The following NADK variants were observed in gnomAD, a reference collection of about 807,000 sequenced individuals.
NADK encodes the protein poly(P)/ATP NAD kinase.
NADK carries 22 observed loss-of-function variants against 49.8 expected under a neutral mutation model. That is an observed-to-expected ratio of 0.44 (90% CI 0.32 to 0.63). The LOEUF (loss-of-function observed/expected upper bound fraction) is 0.63, where lower values mean the gene tolerates loss of function less well. Among genes scored for constraint, NADK ranks in the 30% least tolerant of loss-of-function variants. The pLI is 0.06. For synonymous variants in NADK, 268 were observed against 253.7 expected (o/e 1.06, Z -0.54); for missense variants, 438 against 609.4 (o/e 0.72, Z 2.96).
At chr1:1,771,673 G>A (rs925369497) in intron 1 of NADK, among the ~76,000 whole-genome samples, 4 of 152,122 alleles carry the variant, frequency 2.6e-5, no homozygotes, top group African/African-American at 9.7e-5. Flanking sequence ...TGAACAACTG[G>A]ACAGCCACGT....
chr1:1,752,710 G>A lies in NADK; in HGVS notation c.*194C>T, dbSNP rs1010501679. 1.6e-6 allele frequency: 1 copy of A among 639,016 alleles called. No homozygotes were observed. The highest frequency in any genetic ancestry group is 3.0e-5 in the East Asian group (1 of 33,804). 39.6% of individuals were successfully genotyped at this position (639,016 alleles called of 1,614,324 possible). On this transcript the variant is annotated 3_prime_UTR_variant, in exon 12 of 12. Coordinates refer to ENST00000341426, the MANE Select transcript of NADK (RefSeq NM_023018.5). ...CCAGCCCATTTCTCACGCTTCTTTA[G>A]AAATGCAAAAAAAGTCAGACATTTT...
intron 3 of NADK, 73 bp downstream of exon 3, chr1:1,761,879 C>T (rs1350875610): frequency 3.5e-6 from 5 of 1,429,138 alleles, no homozygotes; most frequent in African/African-American, 1.4e-5. Context: ...TCCCATGGCC[C>T]CCGGCACTCA....
At chr1:1,773,561 G>C (rs1305110623) in intron 1 of NADK, among the ~76,000 whole-genome samples, 1 of 151,352 alleles carries the variant, frequency 6.6e-6, no homozygotes, top group African/African-American at 2.4e-5. Flanking sequence ...GACCAGCCTG[G>C]GCAACACAGC....
At chr1:1,758,294 G>T (rs1321117200) in intron 3 of NADK, 5 of 1,514,582 alleles carry the variant, frequency 3.3e-6, no homozygotes, top group Non-Finnish European at 4.5e-6. Context: ...CAACACAGAC[G>T]CCGATGGCAG....
rs756631694 is a variant in NADK, at chr1:1,758,498, C to T, written c.264-1188G>A. The T allele has an allele frequency of 1.7e-5, 27 of 1,611,958 alleles. No homozygotes were observed. In the Admixed American group the frequency reaches 4.2e-4, roughly 25 times the overall value. ...AGCCGGCCAGTGTGTCCACAGCATCCAGGCCACGCTTGGCGAACACGCGGC... is the reference window on the plus strand; with the variant it reads ...AGCCGGCCAGTGTGTCCACAGCATCTAGGCCACGCTTGGCGAACACGCGGC... On this transcript the variant is annotated intron_variant, in intron 3 of 11. Coordinates refer to ENST00000341426, the MANE Select transcript of NADK (RefSeq NM_023018.5).
chr1:1,761,940 C>G lies in NADK; in HGVS notation c.263+12G>C, dbSNP rs1276361384. On this transcript the variant is annotated intron_variant, in intron 3 of 11. Coordinates refer to ENST00000341426, the MANE Select transcript of NADK (RefSeq NM_023018.5). ...TTCCAAGAACCCCCCGTCCTGGGGC[C>G]CCAGCACTCACATGATGGTCTGGGG... 16 of 1,613,816 alleles carry G rather than the reference C, an allele frequency of 9.9e-6. No individual in the cohort carries two copies. Among genetic ancestry groups the G allele is most frequent in the Non-Finnish European group, 1.4e-5 (16 of 1,179,810 alleles).
rs552575948 is a variant in NADK at position 1,774,172 on chromosome 1, T to TAC, written c.-41+4115_-41+4116dup. Among the ~76,000 whole-genome samples, 280 of 150,390 alleles carry TAC rather than the reference T, an allele frequency of 1.9e-3. No homozygotes were observed. In the South Asian group the frequency reaches 0.02, roughly 11 times the overall value. Reference sequence around the variant, plus strand: ...ATGTATGTGTGTGTGTGTATATATATACACACACACACACACATATATATA... The same window carrying TAC: ...ATGTATGTGTGTGTGTGTATATATATACACACACACACACACACATATATATA... On this transcript the variant is annotated intron_variant, in intron 1 of 11. Transcript: ENST00000341426.
intron 7 of NADK, chr1:1,755,040 T>TTGAA (rs1401505560): frequency 8.6e-5 from 35 of 408,980 alleles, no homozygotes; most frequent in African/African-American, 6.4e-4. Context: ...CAGGATGGTC[T>TTGAA]CATCTCTTGA....
chr1:1,776,818 TGTAAGATCA>T (rs1457813702), intron 1 of NADK, among the ~76,000 whole-genome samples: 2 of 150,404 alleles, frequency 1.3e-5, no homozygotes, highest in South Asian at 2.1e-4. Context: ...GGCTTACGTC[TGTAAGATCA>T]GCACTTTGGG....
At chr1:1,764,875 T>C (rs947926012) in intron 2 of NADK, among the ~76,000 whole-genome samples, 3 of 152,296 alleles carry the variant, frequency 2.0e-5, no homozygotes, top group Non-Finnish European at 1.5e-5. Flanking sequence ...CACTCCAGCT[T>C]GGGGGACAGA....
chr1:1,759,916 G>A (rs1446082492), intron 3 of NADK: 3 of 1,550,504 alleles, frequency 1.9e-6, no homozygotes, highest in Non-Finnish European at 2.6e-6. Context: ...CCAGGACCAG[G>A]AAGTGCAGGG....
chr1:1,765,649 C>T (rs1173356638), intron 1 of NADK, among the ~76,000 whole-genome samples: 10 of 152,166 alleles, frequency 6.6e-5, no homozygotes, highest in Non-Finnish European at 1.5e-4. Flanking sequence ...CCGTGGCTCA[C>T]GCCTGTCATC....
intron 11 of NADK, 116 bp downstream of exon 11, chr1:1,753,451 C>A: frequency 1.3e-6 from 1 of 794,136 alleles, no homozygotes; most frequent in Non-Finnish European, 2.0e-6. Context: ...GGGACTCAGG[C>A]CCTGTGGTGC....
At chr1:1,774,908 C>A (rs1389812138) in intron 1 of NADK, among the ~76,000 whole-genome samples, 2 of 152,008 alleles carry the variant, frequency 1.3e-5, no homozygotes, top group Non-Finnish European at 2.9e-5. Flanking sequence ...GAGTTCAACA[C>A]CAGCCTGGCC....
chr1:1,776,192 G>T (rs1646205233), intron 1 of NADK, among the ~76,000 whole-genome samples: 1 of 152,154 alleles, frequency 6.6e-6, no homozygotes, highest in South Asian at 2.1e-4. Context: ...CAAGCGTGAA[G>T]CTCAATAAAA....
chr1:1,774,549 C>T (rs938915305), intron 1 of NADK, among the ~76,000 whole-genome samples: 4 of 151,948 alleles, frequency 2.6e-5, no homozygotes, highest in South Asian at 2.1e-4. Flanking sequence ...CCACCGCGCA[C>T]GGCCACCATT....
rs1645358292 is a variant in NADK, at chr1:1,752,557, G to A, written c.*347C>T. 9.2e-6 allele frequency: 2 copies of A among 217,736 alleles called. No individual in the cohort carries two copies. Among genetic ancestry groups the A allele is most frequent in the Non-Finnish European group, 9.1e-6 (1 of 110,292 alleles). The allele number at this position is 217,736 out of a possible 1,614,324, so 13.5% of individuals were successfully genotyped here. On this transcript the variant is annotated 3_prime_UTR_variant, in exon 12 of 12. Transcript: ENST00000341426. ...TATTATCAACATTGAAGGACAGGTC[G>A]AGTCATTCTGACTCCTCTGAATTTC... is the stretch of plus-strand genomic sequence containing the variant.
chr1:1,763,078 C>T (rs910503633), intron 2 of NADK, among the ~76,000 whole-genome samples: 2 of 152,264 alleles, frequency 1.3e-5, no homozygotes, highest in Non-Finnish European at 2.9e-5. Flanking sequence ...CTTCCGCTGC[C>T]TCGCAGGGCC....
At chr1:1,762,112 G>T in intron 2 of NADK, 77 bp from the exon 3 acceptor site, 5 of 1,265,498 alleles carry the variant, frequency 4.0e-6, no homozygotes, top group Admixed American at 1.8e-5. Flanking sequence ...TACAGAGGAG[G>T]TTACACGGTA....
Sources: gnomAD v4.1 joint callset for allele counts (sites outside exome capture counted in the v4.1 genomes callset) on GRCh38, gnomAD v4.1.1 for gene constraint, MANE v1.5 for transcripts, NCBI Gene and HGNC (gene_info 2026-07-23, HGNC 2026-07-21) for gene names.